CHD6: variants seen among roughly 807,000 people sequenced by gnomAD.
The protein encoded by CHD6 is ATP-dependent chromatin remodeler CHD6.
CHD6 carries 50 observed loss-of-function variants against 276.9 expected under a neutral mutation model. The observed-to-expected ratio is 0.18, with a 90% CI of 0.14 to 0.23. The LOEUF (loss-of-function observed/expected upper bound fraction) is 0.23. Among genes scored for constraint, CHD6 ranks in the 10% least tolerant of loss-of-function variants. The probability of loss-of-function intolerance (pLI) is 1.00; values close to 1 mark genes in which losing one functional copy is unlikely to be tolerated. For missense variants in CHD6, 2,564 were observed against 3,365.8 expected (o/e 0.76, Z 5.89); for synonymous variants, 1,173 against 1,229.3 (o/e 0.95, Z 0.96).
chr20:41,530,130 C>G (rs182060063), intron 3 of CHD6, among the ~76,000 whole-genome samples: 16 of 152,354 alleles, frequency 1.1e-4, no homozygotes, highest in Non-Finnish European at 1.2e-4. Context: ...AACAGCAAGT[C>G]TGATGGTGGC....
chr20:41,518,527 C>G (rs1051045548), intron 3 of CHD6, among the ~76,000 whole-genome samples: 1 of 152,100 alleles, frequency 6.6e-6, no homozygotes, highest in Non-Finnish European at 1.5e-5. Context: ...CAGACAGAAG[C>G]TGGGGGTTAG....
chr20:41,557,801 A>C (rs998359889), intron 1 of CHD6, among the ~76,000 whole-genome samples: 37 of 152,186 alleles, frequency 2.4e-4, no homozygotes, highest in Non-Finnish European at 4.3e-4. Context: ...TCTATCAGGC[A>C]CTTTGAGACA....
chr20:41,412,108 C>T (rs1258614911), intron 36 of CHD6, 36 bp downstream of exon 36: 1 of 1,611,552 alleles, frequency 6.2e-7, no homozygotes, highest in Non-Finnish European at 8.5e-7. Flanking sequence ...CAGGATGCTC[C>T]TCCTGGCCCC....
At chr20:41,425,940 T>C (rs1447986935) in intron 28 of CHD6, among the ~76,000 whole-genome samples, 153 bp downstream of exon 28, 4 of 152,212 alleles carry the variant, frequency 2.6e-5, no homozygotes, top group Admixed American at 1.3e-4. Context: ...TGAAGCTCCA[T>C]GTGTGACTCT....
At chr20:41,510,824 A>G (rs1010599704) in intron 5 of CHD6, among the ~76,000 whole-genome samples, 1 of 152,238 alleles carries the variant, frequency 6.6e-6, no homozygotes, top group Non-Finnish European at 1.5e-5. Flanking sequence ...TGAAAACCCC[A>G]TTACAAAGCA....
chr20:41,544,950 G>C (rs2146123061), intron 2 of CHD6, among the ~76,000 whole-genome samples: 1 of 152,208 alleles, frequency 6.6e-6, no homozygotes, highest in Admixed American at 6.5e-5. Flanking sequence ...CTGAGGTCGA[G>C]TTCAAACTCC....
chr20:41,545,615 T>C (rs779648608), intron 2 of CHD6, among the ~76,000 whole-genome samples: 10 of 152,224 alleles, frequency 6.6e-5, no homozygotes, highest in Admixed American at 3.9e-4. Context: ...TTCTAAATTA[T>C]GGATCATGAT....
intron 2 of CHD6, among the ~76,000 whole-genome samples, chr20:41,536,195 T>C (rs1329512036): frequency 6.6e-6 from 1 of 152,104 alleles, no homozygotes; most frequent in Non-Finnish European, 1.5e-5. Context: ...AAGGAACAGG[T>C]TGAAGATGAT....
At chr20:41,599,350 A>C (rs1452171504) in intron 1 of CHD6, among the ~76,000 whole-genome samples, 1 of 152,170 alleles carries the variant, frequency 6.6e-6, no homozygotes, top group Non-Finnish European at 1.5e-5. Flanking sequence ...CTAGCAAATG[A>C]ATTAGCCGAA....
chr20:41,592,219 C>CA (rs1258702776), intron 1 of CHD6, among the ~76,000 whole-genome samples: 4 of 151,594 alleles, frequency 2.6e-5, no homozygotes, highest in Admixed American at 6.6e-5. Flanking sequence ...CAAAACAAAA[C>CA]AAAAAAAACT....
intron 4 of CHD6, among the ~76,000 whole-genome samples, chr20:41,513,367 C>T (rs2044167299): frequency 6.6e-6 from 1 of 152,176 alleles, no homozygotes; most frequent in Non-Finnish European, 1.5e-5. Context: ...GGGTCCCTTC[C>T]AGCACTTGGT....
rs775084699 is a variant in CHD6 at position 41,533,186 on chromosome 20, T to C, written c.418A>G (p.Lys140Glu). ...TTTTGCTTCGGCTCCTTGTGCTCCTTGGCCTTCTTCGGCTCCTTGGCCTTT... is the reference window on the plus strand; with the variant it reads ...TTTTGCTTCGGCTCCTTGTGCTCCTCGGCCTTCTTCGGCTCCTTGGCCTTT... ...PRKAKEPKKAKEHKEPKQKDG... is the reference protein window; with the variant it reads ...PRKAKEPKKAEEHKEPKQKDG... Residue 140 changes from lysine to glutamate, a missense_variant, in exon 3 of 37, where the codon AAG becomes GAG. Physicochemically the swap from Lys to Glu is moderately conservative, Grantham distance 56. Around this residue, in one of 7 missense-constraint regions of CHD6, gnomAD observed 286 missense variants for 297.8 expected, o/e 0.96. Transcript: ENST00000373233. 9.9e-6 allele frequency: 16 copies of C among 1,613,878 alleles called. No individual in the cohort carries two copies. The highest frequency in any genetic ancestry group is 1.3e-5 in the African/African-American group (1 of 74,934).
intron 1 of CHD6, among the ~76,000 whole-genome samples, chr20:41,600,433 G>A (rs1568727320): frequency 1.3e-5 from 2 of 151,708 alleles, no homozygotes; most frequent in African/African-American, 2.4e-5. Flanking sequence ...GGTAGAGTGA[G>A]GGGGGGGTCT....
chr20:41,428,539 T>C (rs894030800), intron 27 of CHD6, among the ~76,000 whole-genome samples: 1 of 152,220 alleles, frequency 6.6e-6, no homozygotes, highest in Non-Finnish European at 1.5e-5. Flanking sequence ...TTGGTTACAA[T>C]GTGCAATTTC....
chr20:41,457,225 A>G, intron 18 of CHD6, 39 bp downstream of exon 18: 1 of 1,591,840 alleles, frequency 6.3e-7, no homozygotes, highest in Non-Finnish European at 8.6e-7. Flanking sequence ...TGTGCGACCA[A>G]TGTTCCTTAA....
Position 41,473,321 on chromosome 20 carries a change from C to A in CHD6, c.2664+1G>T. Reference sequence around the variant, plus strand: ...TAAACAGCAATCATCCTAGTGGTTACCTGCAAGTCATTTTGTGGGTTCCAG... The same window carrying A: ...TAAACAGCAATCATCCTAGTGGTTAACTGCAAGTCATTTTGTGGGTTCCAG... On this transcript the variant is annotated splice_donor_variant, in intron 17 of 36. Transcript: ENST00000373233. LOFTEE classifies it high-confidence loss of function. The surrounding 1 kb of genome is among the most constrained non-coding windows in gnomAD (Gnocchi z 4.1). 1 of 1,613,692 alleles carries A rather than the reference C, an allele frequency of 6.2e-7. No individual in the cohort carries two copies. The highest frequency in any genetic ancestry group is 1.7e-4 in the Middle Eastern group (1 of 5,974).
At chr20:41,512,118 C>G (rs774132624) in intron 5 of CHD6, among the ~76,000 whole-genome samples, 9 of 147,240 alleles carry the variant, frequency 6.1e-5, no homozygotes, top group Non-Finnish European at 1.0e-4. Context: ...CAGGCCTGCA[C>G]CACCATGCCC....
At chr20:41,456,965 T>C (rs2048394209) in intron 18 of CHD6, among the ~76,000 whole-genome samples, 2 of 152,114 alleles carry the variant, frequency 1.3e-5, no homozygotes, top group Non-Finnish European at 1.5e-5. Context: ...CAGTAACAAA[T>C]ACAATGTTAA....
At chr20:41,430,300 T>C (rs2047495923) in intron 27 of CHD6, among the ~76,000 whole-genome samples, 1 of 152,272 alleles carries the variant, frequency 6.6e-6, no homozygotes, top group Non-Finnish European at 1.5e-5. Context: ...GTTAATTTTG[T>C]AAATGAATAC....
Sources: allele counts gnomAD v4.1 joint callset (sites outside exome capture counted in the v4.1 genomes callset), GRCh38; gene constraint gnomAD v4.1.1; regional missense constraint gnomAD v4.1.1; non-coding constraint Gnocchi (gnomAD v3.1); transcripts MANE v1.5; gene names NCBI Gene and HGNC (gene_info 2026-07-23, HGNC 2026-07-21).